PAK1: variants seen among roughly 807,000 people sequenced by gnomAD.
PAK1 encodes the protein serine/threonine-protein kinase PAK 1.
PAK1 carries 29 observed loss-of-function variants against 67.4 expected under a neutral mutation model. The observed-to-expected ratio is 0.43, with a 90% confidence interval of 0.32 to 0.59. The LOEUF (loss-of-function observed/expected upper bound fraction) is 0.59. Ranked by LOEUF, PAK1 falls within the 20% of genes least tolerant of loss-of-function variation. The pLI is 0.07. For synonymous variants in PAK1, 223 were observed against 237.4 expected (o/e 0.94, Z 0.56); for missense variants, 337 against 670.7 (o/e 0.50, Z 5.50).
chr11:77,379,436 A>G (rs766719293), intron 3 of PAK1, 48 bp from the exon 4 acceptor site: 1 of 1,567,100 alleles, frequency 6.4e-7, no homozygotes. Flanking sequence ...GTCACAGGGG[A>G]GCCTGAAAGA....
At chr11:77,497,689 C>G in the PAK1 span, among the ~76,000 whole-genome samples, 1 of 152,186 alleles carries the variant, frequency 6.6e-6, no homozygotes, top group Non-Finnish European at 1.5e-5. Flanking sequence ...GGAGTCAGTT[C>G]TATTCCAAAG....
chr11:77,465,881 C>A (rs1957574330), intron 1 of PAK1, among the ~76,000 whole-genome samples: 2 of 152,124 alleles, frequency 1.3e-5, no homozygotes, highest in East Asian at 3.9e-4. Context: ...CCCGGGAGGG[C>A]AGCACTGCAG....
intron 14 of PAK1, among the ~76,000 whole-genome samples, 182 bp downstream of exon 14, chr11:77,332,548 A>C (rs1208252012): frequency 5.9e-5 from 9 of 151,608 alleles, no homozygotes; most frequent in African/African-American, 2.2e-4. Context: ...AGGCTGAGAA[A>C]GGCTAAGAAA....
At chr11:77,388,636 A>T (rs1950753807) in intron 2 of PAK1, among the ~76,000 whole-genome samples, 1 of 152,238 alleles carries the variant, frequency 6.6e-6, no homozygotes, top group Admixed American at 6.5e-5. Flanking sequence ...TACAGGCATG[A>T]GCCACCGTGC....
the PAK1 span, among the ~76,000 whole-genome samples, chr11:77,493,709 G>A: frequency 6.6e-6 from 1 of 151,900 alleles, no homozygotes; most frequent in East Asian, 1.9e-4. Flanking sequence ...CGTTTTGAAT[G>A]TATCATTCCA....
At chr11:77,491,490 C>T in the PAK1 span, among the ~76,000 whole-genome samples, 4 of 151,998 alleles carry the variant, frequency 2.6e-5, no homozygotes, top group African/African-American at 9.6e-5. Context: ...GATCGTGTCA[C>T]TGCACACCAG....
intron 5 of PAK1, among the ~76,000 whole-genome samples, chr11:77,371,056 A>C (rs1261342731): frequency 6.6e-6 from 1 of 152,198 alleles, no homozygotes; most frequent in African/African-American, 2.4e-5. Context: ...ATTCATCACA[A>C]AAATTGTGAG....
intron 1 of PAK1, among the ~76,000 whole-genome samples, chr11:77,438,868 GC>G (rs1218115284): frequency 6.6e-6 from 1 of 152,150 alleles, no homozygotes; most frequent in Admixed American, 6.5e-5. Flanking sequence ...CATTCTGCAA[GC>G]CTATGAAAAA....
intron 1 of PAK1, among the ~76,000 whole-genome samples, chr11:77,400,580 T>C (rs1952543135): frequency 6.6e-6 from 1 of 152,206 alleles, no homozygotes; most frequent in Non-Finnish European, 1.5e-5. Flanking sequence ...TTCTGGTGCT[T>C]AGTCCAAGTC....
At chr11:77,414,520 G>A (rs937578828) in intron 1 of PAK1, among the ~76,000 whole-genome samples, 5 of 152,204 alleles carry the variant, frequency 3.3e-5, no homozygotes, top group Admixed American at 3.3e-4. Context: ...AAGCTACAGT[G>A]ATAATGACAA....
At chr11:77,392,037 G>A (rs1951205003) in intron 2 of PAK1, among the ~76,000 whole-genome samples, 1 of 152,140 alleles carries the variant, frequency 6.6e-6, no homozygotes, top group South Asian at 2.1e-4. Flanking sequence ...CTTACATTTT[G>A]TGGCTTCATA....
intron 1 of PAK1, among the ~76,000 whole-genome samples, chr11:77,436,106 C>T (rs1294126628): frequency 6.6e-6 from 1 of 152,106 alleles, no homozygotes; most frequent in African/African-American, 2.4e-5. Context: ...AGACCATGAC[C>T]GCCACATCAC....
the PAK1 span, among the ~76,000 whole-genome samples, chr11:77,501,914 C>T: frequency 6.6e-6 from 1 of 152,214 alleles, no homozygotes; most frequent in Admixed American, 6.5e-5. Flanking sequence ...CTTCCTCCTT[C>T]TGCTTCCTTT....
intron 14 of PAK1, among the ~76,000 whole-genome samples, chr11:77,323,635 C>A (rs1430747751): frequency 6.6e-6 from 1 of 152,118 alleles, no homozygotes; most frequent in Admixed American, 6.6e-5. Context: ...AAGACATACA[C>A]AGAAATGTTC....
At chr11:77,442,112 A>C (rs1458288457) in intron 1 of PAK1, among the ~76,000 whole-genome samples, 1 of 152,328 alleles carries the variant, frequency 6.6e-6, no homozygotes, top group African/African-American at 2.4e-5. Flanking sequence ...CATGGAATAG[A>C]ATCTTAACCT....
At chr11:77,413,690 A>G (rs1274807741) in intron 1 of PAK1, among the ~76,000 whole-genome samples, 1 of 152,180 alleles carries the variant, frequency 6.6e-6, no homozygotes. Flanking sequence ...TCTCAAAAAA[A>G]GAAAAAGGAA....
intron 1 of PAK1, among the ~76,000 whole-genome samples, chr11:77,413,434 G>C (rs987033839): frequency 7.2e-5 from 11 of 152,182 alleles, no homozygotes; most frequent in African/African-American, 2.7e-4. Context: ...GGTGAAAGAA[G>C]TCAGTGACTT....
At chr11:77,430,589 T>C (rs1955814140) in intron 1 of PAK1, among the ~76,000 whole-genome samples, 1 of 152,204 alleles carries the variant, frequency 6.6e-6, no homozygotes, top group Non-Finnish European at 1.5e-5. Flanking sequence ...ACAAGTGGAA[T>C]AGAGGAAAAC....
At chr11:77,409,108 AAAATTTTTTTTTT>A (rs1449376937) in intron 1 of PAK1, among the ~76,000 whole-genome samples, 5 of 143,356 alleles carry the variant, frequency 3.5e-5, no homozygotes, top group Non-Finnish European at 8.0e-5. Context: ...CTAAAAAAAA[AAAATTTTTTTTTT>A]ATTAGCCAGG....
Sources: gnomAD v4.1 joint callset for allele counts (sites outside exome capture counted in the v4.1 genomes callset) on GRCh38, gnomAD v4.1.1 for gene constraint, MANE v1.5 for transcripts, NCBI Gene and HGNC (gene_info 2026-07-23, HGNC 2026-07-21) for gene names.